The following ARHGAP20 variants were observed in gnomAD, a reference collection of about 807,000 sequenced individuals.
ARHGAP20 encodes rho GTPase-activating protein 20.
A neutral mutation model predicts 73.7 loss-of-function variants in ARHGAP20; 34 were observed. The ratio of observed to expected loss-of-function variants is 0.46; its 90% CI spans 0.35 to 0.61. ARHGAP20 has a LOEUF of 0.61. Among genes scored for constraint, ARHGAP20 ranks in the 20% least tolerant of loss-of-function variants. ARHGAP20 has a pLI of 0.00. For synonymous variants in ARHGAP20, 523 were observed against 518.2 expected (o/e 1.01, Z -0.13); for missense variants, 1,314 against 1,420.9 (o/e 0.92, Z 1.21).
intron 14 of ARHGAP20, 29 bp from the exon 15 acceptor site, chr11:110,581,254 A>G: frequency 6.4e-7 from 1 of 1,574,178 alleles, no homozygotes; most frequent in Non-Finnish European, 8.6e-7. Context: ...CATGATTAAC[A>G]TATTTACTTA....
At chr11:110,611,948 G>A (rs891971189) in intron 6 of ARHGAP20, among the ~76,000 whole-genome samples, 3 of 152,146 alleles carry the variant, frequency 2.0e-5, no homozygotes, top group Non-Finnish European at 2.9e-5. Context: ...ACACACTGTG[G>A]CCACTAAGAT....
chr11:110,646,569 A>T (rs145262322), intron 2 of ARHGAP20, among the ~76,000 whole-genome samples: 103 of 152,300 alleles, frequency 6.8e-4, no homozygotes, highest in African/African-American at 2.4e-3. Flanking sequence ...AAATAAAAAA[A>T]ACATTTTTTA....
At chr11:110,594,653 G>A (rs186767985) in intron 9 of ARHGAP20, among the ~76,000 whole-genome samples, 6 of 151,910 alleles carry the variant, frequency 3.9e-5, no homozygotes, top group Admixed American at 1.3e-4. Context: ...AACGGAAAAG[G>A]ACCAACCAAA....
Position 110,583,656 on chromosome 11 carries a change from G to A in ARHGAP20, c.1497C>T (p.Ser499=), listed in dbSNP as rs988455243. The change falls in exon 13 of 15, where the codon TCC becomes TCT. Residue 499 remains serine (S), a synonymous_variant. Coordinates refer to ENST00000683387, the MANE Select transcript of ARHGAP20 (RefSeq NM_001384657.1). ...FGVLHNIEQH[S]SSNQMTAFNL... ...TAAATGCAGTCATCTGATTGGATGA[G>A]GAATGTTGCTCAATGTTGTGTAACA... The A allele has an allele frequency of 6.2e-7, 1 of 1,612,876 alleles. No individual in the cohort carries two copies. Among genetic ancestry groups the A allele is most frequent in the Non-Finnish European group, 8.5e-7 (1 of 1,179,232 alleles).
chr11:110,585,075 GAATACA>G (rs1273535436), intron 12 of ARHGAP20, among the ~76,000 whole-genome samples: 4 of 149,806 alleles, frequency 2.7e-5, no homozygotes, highest in Non-Finnish European at 5.9e-5. Context: ...GAACATATAT[GAATACA>G]TGAATATATG....
intron 8 of ARHGAP20, among the ~76,000 whole-genome samples, chr11:110,608,373 T>C (rs1948283560): frequency 6.6e-6 from 1 of 152,152 alleles, no homozygotes; most frequent in Admixed American, 6.5e-5. Flanking sequence ...TAAGGTAAAA[T>C]GGAACATATT....
At chr11:110,668,553 G>A (rs1202340675) in intron 2 of ARHGAP20, among the ~76,000 whole-genome samples, 4 of 152,124 alleles carry the variant, frequency 2.6e-5, no homozygotes, top group South Asian at 4.1e-4. Flanking sequence ...GGAGGCTGAG[G>A]TGGGAGGATC....
In ARHGAP20 at chr11:110,580,740, A is replaced by G. The variant is rs1168388571; in HGVS notation, c.2206T>C (p.Ser736Pro). ...TTCAGATAGTCTTCATCTTTTTGAG[A>G]AAGAATTGCATCACAGCTGGACTTG... The part of the protein sequence containing the change: ...LRKSSCDAIL[S>P]QKDEDYLKQN... The change falls in exon 15 of 15, where the codon TCT (serine) becomes CCT (proline). Residue 736 changes from serine (S) to proline (P), a missense_variant. Physicochemically the swap from Ser to Pro is moderately conservative, Grantham distance 74 (BLOSUM62 -1). Coordinates refer to ENST00000683387, the MANE Select transcript of ARHGAP20 (RefSeq NM_001384657.1). 7 of 1,613,830 alleles carry G rather than the reference A, an allele frequency of 4.3e-6. No homozygotes were observed. The highest frequency in any genetic ancestry group is 5.9e-6 in the Non-Finnish European group (7 of 1,179,976).
chr11:110,589,434 C>T, intron 11 of ARHGAP20: 5 of 985,424 alleles, frequency 5.1e-6, no homozygotes, highest in Non-Finnish European at 6.0e-6. Context: ...GGGCACTCAG[C>T]TGGAGTAGGG....
intron 9 of ARHGAP20, among the ~76,000 whole-genome samples, chr11:110,596,057 T>C (rs1174213198): frequency 1.3e-5 from 2 of 152,158 alleles, no homozygotes; most frequent in Non-Finnish European, 2.9e-5. Context: ...GATTCCCTAT[T>C]TAATAAATGG....
At chr11:110,620,057 A>C (rs1278625844) in intron 4 of ARHGAP20, among the ~76,000 whole-genome samples, 1 of 152,092 alleles carries the variant, frequency 6.6e-6, no homozygotes, top group East Asian at 1.9e-4. Flanking sequence ...AGTCTTGCTC[A>C]GGCTAGAGCT....
At chr11:110,627,640 T>A (rs1948774277) in intron 3 of ARHGAP20, among the ~76,000 whole-genome samples, 2 of 152,208 alleles carry the variant, frequency 1.3e-5, no homozygotes, top group African/African-American at 2.4e-5. Context: ...TTATTTCATC[T>A]TCTTCACCTA....
At chr11:110,690,405 G>T (rs1950218503) in intron 2 of ARHGAP20, 142 bp downstream of exon 2, 1 of 757,984 alleles carries the variant, frequency 1.3e-6, no homozygotes, top group Non-Finnish European at 2.1e-6. Flanking sequence ...AACAAAAGTT[G>T]TATTTTCTAC....
chr11:110,646,523 T>C (rs963858299), intron 2 of ARHGAP20, among the ~76,000 whole-genome samples: 16 of 152,114 alleles, frequency 1.1e-4, no homozygotes, highest in Non-Finnish European at 2.4e-4. Context: ...TTTGAGCACA[T>C]TCCTGTTTTG....
intron 2 of ARHGAP20, among the ~76,000 whole-genome samples, chr11:110,635,318 T>C (rs762017672): frequency 1.3e-5 from 2 of 152,078 alleles, no homozygotes; most frequent in African/African-American, 4.8e-5. Context: ...CTTCCTCAGG[T>C]TTATTGAATC....
rs758829964 is a variant in ARHGAP20 at position 110,582,309 on chromosome 11, T to A, written c.1720+12A>T. The A allele has an allele frequency of 1.9e-6, 3 of 1,581,046 alleles. No homozygotes were observed. The African/African-American group carries it at 4.0e-5, about 21-fold the overall frequency. ...TGTTTCTCACAAAAACCAATCCAAT[T>A]ATTCACAATACCTGAGGCATTCTCT... On this transcript the variant is annotated intron_variant, in intron 14 of 14. Coordinates refer to ENST00000683387, the MANE Select transcript of ARHGAP20 (RefSeq NM_001384657.1).
rs1241024081 is a variant in ARHGAP20 at position 110,580,834 on chromosome 11, T to C, written c.2112A>G (p.Ser704=). ...AATCCAGATAGTCGATGCTGGGCTCTGAGCAACGCCGGTGTCGCCTCAGGC... is the reference window on the plus strand; with the variant it reads ...AATCCAGATAGTCGATGCTGGGCTCCGAGCAACGCCGGTGTCGCCTCAGGC... ...AKSLRRHRRC[S]EPSIDYLDSK... Residue 704 remains serine, a synonymous_variant, in exon 15 of 15, where the codon TCA becomes TCG. Coordinates refer to ENST00000683387, the MANE Select transcript of ARHGAP20 (RefSeq NM_001384657.1). The C allele has an allele frequency of 2.2e-5, 35 of 1,613,798 alleles. No individual in the cohort carries two copies. The highest frequency in any genetic ancestry group is 2.9e-5 in the Non-Finnish European group (34 of 1,179,838).
chr11:110,697,728 G>C (rs1184083735), intron 1 of ARHGAP20, among the ~76,000 whole-genome samples: 1 of 151,698 alleles, frequency 6.6e-6, no homozygotes, highest in Non-Finnish European at 1.5e-5. Flanking sequence ...AAGATCAGTT[G>C]GTTGTAGGTA....
Position 110,577,530 on chromosome 11 carries a change from T to G in ARHGAP20, c.*1840A>C. ...ACACTCCAAGCCGTTAAGAGCTTCA[T>G]TCACATCTTGCAGTTCTGACTGACA... On this transcript the variant is annotated 3_prime_UTR_variant, in exon 15 of 15. Coordinates refer to ENST00000683387, the MANE Select transcript of ARHGAP20 (RefSeq NM_001384657.1). 1.0e-6 allele frequency: 1 copy of G among 996,352 alleles called. No individual in the cohort carries two copies. Among genetic ancestry groups the G allele is most frequent in the Non-Finnish European group, 1.2e-6 (1 of 837,262 alleles). The allele number at this position is 996,352 out of a possible 1,614,324, so 61.7% of individuals were successfully genotyped here. A position where few individuals can be genotyped will look rare whatever the true frequency, so the allele number is the denominator to read the frequency against.
Sources: gnomAD v4.1 joint callset for allele counts (sites outside exome capture counted in the v4.1 genomes callset) on GRCh38, gnomAD v4.1.1 for gene constraint, MANE v1.5 for transcripts, NCBI Gene and HGNC (gene_info 2026-07-23, HGNC 2026-07-21) for gene names.